HAVCR1: variants seen among roughly 807,000 people sequenced by gnomAD.
The protein encoded by HAVCR1 is T cell immunoglobin domain and mucin domain protein 1.
In HAVCR1, 34 loss-of-function variants were observed where a neutral mutation model predicts 32.0. That is an observed-to-expected ratio of 1.06 (90% CI 0.81 to 1.42). The LOEUF is 1.42. Among genes scored for constraint, HAVCR1 ranks in the 40% most tolerant of loss-of-function variants. The pLI is 0.00. For missense variants in HAVCR1, 420 were observed against 442.3 expected (o/e 0.95, Z 0.45); for synonymous variants, 178 against 170.3 (o/e 1.05, Z -0.35).
chr5:157,064,515 C>T, the HAVCR1 span, among the ~76,000 whole-genome samples: 1 of 152,064 alleles, frequency 6.6e-6, no homozygotes, highest in East Asian at 1.9e-4. Context: ...TAAGATGACT[C>T]CAAGGATTTC....
At chr5:157,057,427 GAA>G (rs1756258966) in intron 2 of HAVCR1, among the ~76,000 whole-genome samples, 2 of 146,086 alleles carry the variant, frequency 1.4e-5, no homozygotes, top group Non-Finnish European at 3.0e-5. Context: ...AAGAAAGAAA[GAA>G]AGAAAGAAAG....
Position 157,041,405 on chromosome 5 carries a change from G to A in HAVCR1, c.837+1222C>T, listed in dbSNP as rs192984074. Reference sequence around the variant, plus strand: ...CCTAGCTACTTGGAAGGCTGAGGCAGGGGAATCACTTGAACCCAAGAAGAG... The same window carrying A: ...CCTAGCTACTTGGAAGGCTGAGGCAAGGGAATCACTTGAACCCAAGAAGAG... On this transcript the variant is annotated intron_variant, in intron 6 of 8. Transcript: ENST00000523175. 2.6e-4 allele frequency among the ~76,000 whole-genome samples: 40 copies of A among 152,164 alleles called. 1 individual carries two copies. The highest frequency in any genetic ancestry group is 9.2e-4 in the African/African-American group (38 of 41,504).
chr5:157,037,388 A>C (rs759172493), intron 6 of HAVCR1, 27 bp from the exon 7 acceptor site: 1 of 1,001,082 alleles, frequency 1.0e-6, no homozygotes, highest in African/African-American at 1.6e-5. Context: ...AGATCAAAAA[A>C]GCATCTTGTT....
chr5:157,056,155 C>T (rs547619078), intron 2 of HAVCR1, among the ~76,000 whole-genome samples: 2 of 150,510 alleles, frequency 1.3e-5, no homozygotes, highest in South Asian at 2.1e-4. Context: ...GTCTTGAACT[C>T]CTGACCTCAA....
intron 3 of HAVCR1, 114 bp downstream of exon 3, chr5:157,055,087 T>TCA: frequency 3.4e-6 from 2 of 595,322 alleles, no homozygotes; most frequent in East Asian, 5.5e-5. Flanking sequence ...AGAACAAGAG[T>TCA]TTATTTAAAA....
the HAVCR1 span, among the ~76,000 whole-genome samples, chr5:157,064,278 C>T: frequency 7.0e-6 from 1 of 142,310 alleles, no homozygotes; most frequent in Non-Finnish European, 1.5e-5. Flanking sequence ...TTTGGGAGGC[C>T]AAGGCGGGAG....
chr5:157,052,553 C>G lies in HAVCR1; in HGVS notation c.481G>C (p.Val161Leu). 10 of 231,082 alleles carry G rather than the reference C, an allele frequency of 4.3e-5. No homozygotes were observed. The highest frequency in any genetic ancestry group is 6.1e-4 in the Middle Eastern group (1 of 1,652). The allele number at this position is 231,082 out of a possible 1,614,324, so 14.3% of individuals were successfully genotyped here. A position where few individuals can be genotyped will look rare whatever the true frequency, so the allele number is the denominator to read the frequency against. The change falls in exon 4 of 9, where the codon GTT (valine) becomes CTT (leucine). Residue 161 changes from valine to leucine, a missense_variant. Val to Leu is a conservative substitution (Grantham distance 32). Coordinates refer to ENST00000523175, the MANE Select transcript of HAVCR1 (RefSeq NM_001173393.3). ...PTTTTVPMTT[V>L]PTTTVPTTMS... ...GTTGTTGGAACAGTTGTCGTTGGAA[C>G]AGTCGTCATTGGAACAGTCGTTGTC...
upstream of HAVCR1, among the ~76,000 whole-genome samples, chr5:157,061,123 C>T (rs1756481161): frequency 6.6e-6 from 1 of 152,000 alleles, no homozygotes; most frequent in African/African-American, 2.4e-5. Flanking sequence ...GGCTGGAACT[C>T]CTGGCCTCAA....
intron 5 of HAVCR1, among the ~76,000 whole-genome samples, chr5:157,044,629 G>GAA (rs1554090537): frequency 0.011 from 665 of 61,576 alleles, 38 homozygotes; most frequent in East Asian, 0.046. Flanking sequence ...AAGAAAGAAA[G>GAA]AAAGAAAGAA....
upstream of HAVCR1, among the ~76,000 whole-genome samples, chr5:157,059,984 GA>G (rs978024465): frequency 6.0e-5 from 9 of 150,154 alleles, no homozygotes; most frequent in African/African-American, 2.2e-4. Flanking sequence ...GTTTCTTAAG[GA>G]AAAAAAGATT....
Position 157,029,747 on chromosome 5 carries a change from A to T in HAVCR1, c.1081T>A (p.Tyr361Asn). ...ACCACTGGGTCTTAGTCCGTGGCAT[A>T]AAGACTATTCTCAATGTAGATATTG... Reference protein sequence around the residue: ...EDNIYIENSLYATD With the variant: ...EDNIYIENSLNATD Residue 361 changes from tyrosine (Y) to asparagine (N), a missense_variant, in exon 9 of 9, where the codon TAT becomes AAT. Transcript: ENST00000523175. The T allele has an allele frequency of 6.2e-7, 1 of 1,612,966 alleles. No homozygotes were observed. Among genetic ancestry groups the T allele is most frequent in the Non-Finnish European group, 8.5e-7 (1 of 1,179,670 alleles).
At chr5:157,049,451 A>G (rs1175197218) in intron 4 of HAVCR1, among the ~76,000 whole-genome samples, 2 of 152,198 alleles carry the variant, frequency 1.3e-5, no homozygotes, top group East Asian at 1.9e-4. Flanking sequence ...CAAACTTTCT[A>G]TACTCCCAGG....
chr5:157,063,530 C>T (rs1275216564), upstream of HAVCR1, among the ~76,000 whole-genome samples: 1 of 151,826 alleles, frequency 6.6e-6, no homozygotes, highest in Non-Finnish European at 1.5e-5. Context: ...AGTGATCTGC[C>T]CGCCTTGGCC....
the HAVCR1 span, among the ~76,000 whole-genome samples, chr5:157,064,739 G>A: frequency 6.6e-6 from 1 of 152,212 alleles, no homozygotes; most frequent in African/African-American, 2.4e-5. Flanking sequence ...ATGGTCGTGG[G>A]TGCCTGTAAT....
intron 5 of HAVCR1, among the ~76,000 whole-genome samples, chr5:157,045,163 A>G (rs1355883997): frequency 6.6e-6 from 1 of 152,188 alleles, no homozygotes; most frequent in Admixed American, 6.5e-5. Flanking sequence ...TAAATAATAT[A>G]ATAGAAAAAT....
upstream of HAVCR1, among the ~76,000 whole-genome samples, chr5:157,063,515 C>T (rs955628362): frequency 5.9e-5 from 9 of 152,050 alleles, no homozygotes; most frequent in African/African-American, 2.2e-4. Flanking sequence ...GAACTCCTGA[C>T]CTCAAGTGAT....
At chr5:157,061,643 T>C (rs926972274), upstream of HAVCR1, among the ~76,000 whole-genome samples, 8 of 151,762 alleles carry the variant, frequency 5.3e-5, no homozygotes, top group East Asian at 1.6e-3. Flanking sequence ...GGAGGCAGAA[T>C]TTACCCTGAG....
intron 5 of HAVCR1, among the ~76,000 whole-genome samples, chr5:157,044,405 GA>G (rs1755110410): frequency 6.1e-5 from 2 of 32,706 alleles, no homozygotes; most frequent in African/African-American, 2.3e-4. Flanking sequence ...AGGAAGGAAG[GA>G]AGGAAGGAAG....
chr5:157,032,795 T>C (rs1754252433), intron 8 of HAVCR1, 59 bp downstream of exon 8: 2 of 1,021,122 alleles, frequency 2.0e-6, no homozygotes, highest in Non-Finnish European at 1.5e-6. Context: ...CAGAAATCTA[T>C]TTTTATTTTA....
Sources: gnomAD v4.1 joint callset for allele counts (sites outside exome capture counted in the v4.1 genomes callset) on GRCh38, gnomAD v4.1.1 for gene constraint, MANE v1.5 for transcripts, NCBI Gene and HGNC (gene_info 2026-07-23, HGNC 2026-07-21) for gene names.